Variants in LRMDA observed in about 807,000 individuals in gnomAD.
The protein encoded by LRMDA is leucine-rich melanocyte differentiation-associated protein.
Under a neutral mutation model 29.8 loss-of-function variants are expected in LRMDA, and 18 were observed. The ratio of observed to expected loss-of-function variants is 0.60; its 90% CI spans 0.42 to 0.90. The LOEUF (loss-of-function observed/expected upper bound fraction) is 0.90. Among genes scored for constraint, LRMDA ranks in the 40% least tolerant of loss-of-function variants. The pLI, the probability that LRMDA is intolerant of heterozygous loss-of-function variation, is 0.00. For missense variants in LRMDA, 273 were observed against 273.9 expected (o/e 1.00, Z 0.02); for synonymous variants, 125 against 109.4 (o/e 1.14, Z -0.89).
chr10:75,509,274 G>C (rs1157750469), intron 2 of LRMDA, among the ~76,000 whole-genome samples: 4 of 152,154 alleles, frequency 2.6e-5, no homozygotes, highest in Non-Finnish European at 5.9e-5. Flanking sequence ...CTGTGTATAT[G>C]TGTATATGTG....
chr10:76,471,185 T>C (rs944137783), intron 6 of LRMDA, among the ~76,000 whole-genome samples: 2 of 151,752 alleles, frequency 1.3e-5, no homozygotes, highest in Admixed American at 1.3e-4. Flanking sequence ...TATGAATATA[T>C]GCTTACTCTC....
At chr10:76,294,777 T>C (rs1840391720) in intron 5 of LRMDA, among the ~76,000 whole-genome samples, 1 of 152,220 alleles carries the variant, frequency 6.6e-6, no homozygotes, top group Non-Finnish European at 1.5e-5. Flanking sequence ...GGCTTGGCAG[T>C]GTTTCAAATC....
At chr10:75,697,503 CTT>C (rs774890897) in intron 2 of LRMDA, among the ~76,000 whole-genome samples, 3 of 134,914 alleles carry the variant, frequency 2.2e-5, no homozygotes, top group African/African-American at 2.7e-5. Context: ...GAGGAGCATT[CTT>C]TTTTTTTTTT....
At chr10:75,740,156 C>T (rs1015186153) in intron 2 of LRMDA, among the ~76,000 whole-genome samples, 7 of 152,184 alleles carry the variant, frequency 4.6e-5, no homozygotes, top group South Asian at 2.1e-4. Context: ...AAAATAAATG[C>T]GTGCTTTTAG....
At chr10:75,697,328 T>TC (rs1842247741) in intron 2 of LRMDA, among the ~76,000 whole-genome samples, 1 of 151,798 alleles carries the variant, frequency 6.6e-6, no homozygotes, top group East Asian at 1.9e-4. Context: ...TACCTTTTTT[T>TC]TTTTTTAAAG....
intron 1 of LRMDA, 125 bp from the exon 2 acceptor site, chr10:75,438,269 C>CT (rs777278344): frequency 1.3e-6 from 1 of 793,684 alleles, no homozygotes; most frequent in Non-Finnish European, 2.1e-6. Flanking sequence ...CAAGTGTGGC[C>CT]TTTTTGTGTG....
chr10:76,234,901 C>G (rs1053472670), intron 5 of LRMDA, among the ~76,000 whole-genome samples: 3 of 152,220 alleles, frequency 2.0e-5, no homozygotes, highest in Admixed American at 1.3e-4. Flanking sequence ...AGCAATAAGG[C>G]TGTTTCACTT....
intron 2 of LRMDA, among the ~76,000 whole-genome samples, chr10:75,822,516 C>CA (rs1844180214): frequency 6.6e-6 from 1 of 151,972 alleles, no homozygotes; most frequent in East Asian, 1.9e-4. Context: ...CAACTCTAAG[C>CA]AAAAATATAA....
intron 5 of LRMDA, among the ~76,000 whole-genome samples, chr10:76,187,956 T>C (rs137863524): frequency 1.1e-3 from 165 of 152,316 alleles, no homozygotes; most frequent in African/African-American, 3.9e-3. Flanking sequence ...GGCTGATTCA[T>C]TGCAGCATTA....
chr10:75,908,497 T>A (rs985464028), intron 2 of LRMDA, among the ~76,000 whole-genome samples: 5 of 152,256 alleles, frequency 3.3e-5, no homozygotes, highest in African/African-American at 1.2e-4. Context: ...TAGTTAAATT[T>A]ACATACTTGT....
intron 5 of LRMDA, among the ~76,000 whole-genome samples, chr10:76,169,214 C>G (rs972253666): frequency 3.3e-5 from 5 of 152,156 alleles, no homozygotes; most frequent in African/African-American, 1.2e-4. Flanking sequence ...AAAACTGGAT[C>G]TTTTTGCTAC....
chr10:76,314,362 G>A (rs980094988), intron 5 of LRMDA, among the ~76,000 whole-genome samples: 31 of 152,264 alleles, frequency 2.0e-4, no homozygotes, highest in South Asian at 4.1e-4. Context: ...GTGAGCCATC[G>A]TGCCCAGTCA....
chr10:75,751,834 C>T (rs1842973067), intron 2 of LRMDA, among the ~76,000 whole-genome samples: 1 of 152,150 alleles, frequency 6.6e-6, no homozygotes, highest in Non-Finnish European at 1.5e-5. Context: ...TTAGTGGAGG[C>T]CTTCAAGATT....
At chr10:76,114,404 A>G (rs1298603529) in intron 5 of LRMDA, among the ~76,000 whole-genome samples, 1 of 152,164 alleles carries the variant, frequency 6.6e-6, no homozygotes, top group African/African-American at 2.4e-5. Flanking sequence ...ATTCACCCCA[A>G]AATATCCATA....
At chr10:75,878,987 G>T (rs1209157444) in intron 2 of LRMDA, among the ~76,000 whole-genome samples, 1 of 152,164 alleles carries the variant, frequency 6.6e-6, no homozygotes, top group Non-Finnish European at 1.5e-5. Flanking sequence ...TCAGGCCAAC[G>T]GAGACGTTTC....
chr10:76,521,674 A>T (rs1263007154), intron 6 of LRMDA, among the ~76,000 whole-genome samples: 1 of 152,188 alleles, frequency 6.6e-6, no homozygotes, highest in African/African-American at 2.4e-5. Flanking sequence ...GGTGGCTTTC[A>T]TTCACCAGTT....
At chr10:76,418,603 T>C (rs1306333701) in intron 6 of LRMDA, among the ~76,000 whole-genome samples, 1 of 152,024 alleles carries the variant, frequency 6.6e-6, no homozygotes, top group East Asian at 1.9e-4. Context: ...TACCTATTCC[T>C]TTTATTTCAT....
chr10:76,131,333 CTT>C (rs1354486058), intron 5 of LRMDA, among the ~76,000 whole-genome samples: 1 of 152,198 alleles, frequency 6.6e-6, no homozygotes, highest in Non-Finnish European at 1.5e-5. Context: ...TCCCAGGAAT[CTT>C]TCCCTAATTC....
intron 5 of LRMDA, among the ~76,000 whole-genome samples, chr10:76,117,382 T>C (rs1849684594): frequency 6.6e-6 from 1 of 152,170 alleles, no homozygotes; most frequent in African/African-American, 2.4e-5. Flanking sequence ...CTTCTTGTTG[T>C]GGGACAAACT....
Sources: gnomAD v4.1 joint callset for allele counts (sites outside exome capture counted in the v4.1 genomes callset) on GRCh38, gnomAD v4.1.1 for gene constraint, MANE v1.5 for transcripts, NCBI Gene and HGNC (gene_info 2026-07-23, HGNC 2026-07-21) for gene names.